Variants in KCNMB3 observed in about 807,000 individuals in gnomAD.
KCNMB3 encodes potassium calcium-activated channel subfamily M regulatory beta subunit 3.
Under a neutral mutation model 11.9 loss-of-function variants are expected in KCNMB3, and 18 were observed. That is an observed-to-expected ratio of 1.51 (90% CI 1.04 to 2.23). The LOEUF is 2.23. Among genes scored for constraint, KCNMB3 ranks in the 30% most tolerant of loss-of-function variants. The pLI, the probability that KCNMB3 is intolerant of heterozygous loss-of-function variation, is 0.00. For missense variants in KCNMB3, 247 were observed against 329.4 expected (o/e 0.75, Z 1.94); for synonymous variants, 78 against 119.2 (o/e 0.65, Z 2.25).
chr3:179,265,428 A>C (rs1324787047), intron 1 of KCNMB3, among the ~76,000 whole-genome samples: 2 of 152,178 alleles, frequency 1.3e-5, no homozygotes, highest in Non-Finnish European at 2.9e-5. Context: ...ATAGTGAGTG[A>C]ACCTGGTTCT....
At chr3:179,259,611 T>C (rs1014278013) in intron 1 of KCNMB3, 1 of 1,608,512 alleles carries the variant, frequency 6.2e-7, no homozygotes, top group African/African-American at 1.3e-5. Context: ...GTCAGTAGAC[T>C]TTACCTGCTC....
chr3:179,239,877 G>A, downstream of KCNMB3: 1 of 598,272 alleles, frequency 1.7e-6, no homozygotes. Context: ...GAAAGCATTT[G>A]ACACAGCAAG....
chr3:179,242,832 C>T lies in KCNMB3; in HGVS notation c.*72G>A, dbSNP rs1015043068. ...ACCTTTTACATTATTAGTTTGCAGA[C>T]AGGCATAATTAGGTCCTCAGTTGCA... On this transcript the variant is annotated 3_prime_UTR_variant, in exon 3 of 3. Coordinates refer to ENST00000392685, the MANE Select transcript of KCNMB3 (RefSeq NM_171830.2). 67 of 1,487,072 alleles carry T rather than the reference C, an allele frequency of 4.5e-5. No homozygotes were observed. The African/African-American group carries it at 5.8e-4, about 13-fold the overall frequency. The allele number at this position is 1,487,072 out of a possible 1,614,324, so 92.1% of individuals were successfully genotyped here. A position where few individuals can be genotyped will look rare whatever the true frequency, so the allele number is the denominator to read the frequency against.
upstream of KCNMB3, among the ~76,000 whole-genome samples, chr3:179,253,768 T>C (rs1296184855): frequency 1.3e-5 from 2 of 151,894 alleles, no homozygotes; most frequent in East Asian, 3.9e-4. Flanking sequence ...ATCATGCCAC[T>C]GCACTCCAGC....
At chr3:179,241,319 CA>C (rs1402543954), downstream of KCNMB3, 1 of 153,714 alleles carries the variant, frequency 6.5e-6, no homozygotes, top group Admixed American at 6.6e-5. Flanking sequence ...CTTATTTGCC[CA>C]AAGTTGTAAT....
chr3:179,248,284 G>C (rs554682930), intron 1 of KCNMB3, among the ~76,000 whole-genome samples: 1 of 152,266 alleles, frequency 6.6e-6, no homozygotes, highest in South Asian at 2.1e-4. Context: ...GGTTTAAGTA[G>C]GATAAAATAT....
chr3:179,253,252 C>CT (rs1560158336), upstream of KCNMB3, among the ~76,000 whole-genome samples: 2 of 152,112 alleles, frequency 1.3e-5, no homozygotes, highest in Non-Finnish European at 2.9e-5. Flanking sequence ...TGAGGTCGCT[C>CT]TTCTAATGCA....
intron 1 of KCNMB3, chr3:179,266,623 C>T (rs762337204): frequency 1.6e-5 from 26 of 1,613,578 alleles, no homozygotes; most frequent in Non-Finnish European, 2.2e-5. Context: ...TTCCCACTAC[C>T]GGCAGAGCTT....
chr3:179,258,689 T>C (rs1008672298), intron 1 of KCNMB3, among the ~76,000 whole-genome samples: 1 of 152,252 alleles, frequency 6.6e-6, no homozygotes, highest in Admixed American at 6.5e-5. Flanking sequence ...AATATTCACA[T>C]TCCTATCAGC....
At chr3:179,241,176 C>T (rs1421495346), downstream of KCNMB3, 1 of 152,026 alleles carries the variant, frequency 6.6e-6, no homozygotes, top group African/African-American at 2.4e-5. Flanking sequence ...TTTTTGAGCA[C>T]TGCTACTAGA....
intron 1 of KCNMB3, among the ~76,000 whole-genome samples, chr3:179,257,020 T>A (rs1726031928): frequency 1.3e-5 from 2 of 151,944 alleles, no homozygotes; most frequent in Non-Finnish European, 2.9e-5. Context: ...TAAAACACCA[T>A]CCAGTTGTAG....
chr3:179,258,323 C>T (rs571024906), intron 1 of KCNMB3, among the ~76,000 whole-genome samples: 10 of 152,316 alleles, frequency 6.6e-5, no homozygotes, highest in African/African-American at 2.4e-4. Flanking sequence ...GTTAAAATCT[C>T]CTACAAAGTA....
intron 1 of KCNMB3, among the ~76,000 whole-genome samples, chr3:179,263,936 G>A (rs1726302530): frequency 6.7e-6 from 1 of 150,120 alleles, no homozygotes. Flanking sequence ...CTCCCAAGTA[G>A]CTGGGATTAT....
downstream of KCNMB3, chr3:179,242,739 A>C (rs1725495047): frequency 9.1e-7 from 1 of 1,100,888 alleles, no homozygotes; most frequent in African/African-American, 1.6e-5. Flanking sequence ...GTATTTATAG[A>C]AATAAATAGA....
intron 1 of KCNMB3, chr3:179,260,041 T>C (rs1380092758): frequency 3.7e-6 from 6 of 1,612,100 alleles, no homozygotes; most frequent in Non-Finnish European, 5.1e-6. Flanking sequence ...CTATGCCCTA[T>C]GCTTGTCTCT....
chr3:179,251,648 A>G (rs943607974), upstream of KCNMB3: 7 of 1,245,852 alleles, frequency 5.6e-6, no homozygotes, highest in African/African-American at 1.1e-4. Flanking sequence ...TCCAACACAA[A>G]GGTCGCAAAC....
At chr3:179,259,168 T>C (rs904049657) in intron 1 of KCNMB3, 7 of 1,561,106 alleles carry the variant, frequency 4.5e-6, no homozygotes, top group African/African-American at 4.1e-5. Context: ...GCTTTCCTGA[T>C]GGTCTGACTT....
chr3:179,261,658 T>G (rs1726221190), intron 1 of KCNMB3, among the ~76,000 whole-genome samples: 1 of 152,224 alleles, frequency 6.6e-6, no homozygotes. Context: ...AATTTTGAAT[T>G]TGCATTATTT....
upstream of KCNMB3, chr3:179,251,659 C>A: frequency 8.1e-7 from 1 of 1,242,070 alleles, no homozygotes; most frequent in South Asian, 3.9e-5. Flanking sequence ...GGTCGCAAAC[C>A]GGTGGGCATG....
Sources: allele counts gnomAD v4.1 joint callset (sites outside exome capture counted in the v4.1 genomes callset), GRCh38; gene constraint gnomAD v4.1.1; transcripts MANE v1.5; gene names NCBI Gene and HGNC (gene_info 2026-07-23, HGNC 2026-07-21).